The following ABLIM2 variants were observed in gnomAD, a reference collection of about 807,000 sequenced individuals.
The protein encoded by ABLIM2 is actin binding LIM protein family member 2.
In ABLIM2, 53 loss-of-function variants were observed where a neutral mutation model predicts 97.7. The observed-to-expected ratio is 0.54, with a 90% CI of 0.44 to 0.68. The LOEUF (loss-of-function observed/expected upper bound fraction) is 0.68. Ranked by LOEUF, ABLIM2 falls within the 30% of genes least tolerant of loss-of-function variation. The pLI, the probability that ABLIM2 is intolerant of heterozygous loss-of-function variation, is 0.00. For synonymous variants in ABLIM2, 361 were observed against 345.8 expected, an observed-to-expected ratio of 1.04 and a Z score of -0.49; for missense variants, 835 against 867.2, an observed-to-expected ratio of 0.96 and a Z score of 0.47.
intron 10 of ABLIM2, among the ~76,000 whole-genome samples, chr4:8,031,761 G>A (rs995598056): frequency 6.8e-6 from 1 of 146,910 alleles, no homozygotes; most frequent in African/African-American, 2.5e-5. Flanking sequence ...GTCTCGCTCT[G>A]TCACCCAGGC....
rs1757825157 is a variant in ABLIM2, at chr4:8,002,382, G to T, written c.1618+5677C>A. 6.6e-6 allele frequency among the ~76,000 whole-genome samples: 1 copy of T among 152,284 alleles called. No homozygotes were observed. Among genetic ancestry groups the T allele is most frequent in the South Asian group, 2.1e-4 (1 of 4,810 alleles). Reference sequence around the variant, plus strand: ...TGGTTCCTGAGCTGCCACCATGTGGGCCCTGCCAGTGAGATCCTTCCAGGG... The same window carrying T: ...TGGTTCCTGAGCTGCCACCATGTGGTCCCTGCCAGTGAGATCCTTCCAGGG... On this transcript the variant is annotated intron_variant, in intron 16 of 20. Coordinates refer to ENST00000447017, the MANE Select transcript of ABLIM2 (RefSeq NM_001130083.2). This position sits in a 1 kb window ranked among gnomAD's most constrained non-coding sequence, Gnocchi z 6.1.
chr4:8,050,022 A>G (rs572964185), intron 8 of ABLIM2, among the ~76,000 whole-genome samples: 12 of 152,282 alleles, frequency 7.9e-5, no homozygotes, highest in African/African-American at 2.9e-4. Flanking sequence ...GCCACTGCGC[A>G]CGGCCAGTCA....
rs895818227 is a variant in ABLIM2, at chr4:7,999,105, C to T, written c.1619-6178G>A. On this transcript the variant is annotated intron_variant, in intron 16 of 20. Coordinates refer to ENST00000447017, the MANE Select transcript of ABLIM2 (RefSeq NM_001130083.2). This position sits in a 1 kb window ranked among gnomAD's most constrained non-coding sequence, Gnocchi z 4.4. ...TTTGAGACGGAGTTTTGTTCTTGTT[C>T]CCCGGGCTGGAGTACAATGGCGTGA... Among the ~76,000 whole-genome samples, 3 of 152,072 alleles carry T rather than the reference C, an allele frequency of 2.0e-5. No individual in the cohort carries two copies. The highest frequency in any genetic ancestry group is 2.9e-5 in the Non-Finnish European group (2 of 68,012).
At chr4:8,135,714 G>A (rs1850094751) in intron 1 of ABLIM2, among the ~76,000 whole-genome samples, 1 of 152,230 alleles carries the variant, frequency 6.6e-6, no homozygotes, top group African/African-American at 2.4e-5. Flanking sequence ...GATGAAGACA[G>A]ATGCTCTCAA....
chr4:8,018,283 C>T (rs571305715), intron 14 of ABLIM2, among the ~76,000 whole-genome samples: 2 of 152,340 alleles, frequency 1.3e-5, no homozygotes, highest in East Asian at 3.9e-4. Context: ...CCCACCAGCA[C>T]AGAATACACA....
At chr4:8,109,434 C>T (rs558410843) in intron 1 of ABLIM2, among the ~76,000 whole-genome samples, 1 of 152,352 alleles carries the variant, frequency 6.6e-6, no homozygotes, top group Admixed American at 6.5e-5. Flanking sequence ...GAGCTCTGAG[C>T]CTGGAAGGTC....
At chr4:8,051,985 C>T (rs1796342853) in intron 8 of ABLIM2, among the ~76,000 whole-genome samples, 1 of 152,254 alleles carries the variant, frequency 6.6e-6, no homozygotes, top group East Asian at 1.9e-4. Context: ...GGTTCCCTGT[C>T]TTGGCTTTGG....
chr4:8,023,116 G>A lies in ABLIM2; in HGVS notation c.1268-2813C>T, dbSNP rs1775037226. On this transcript the variant is annotated intron_variant, in intron 12 of 20. Coordinates refer to ENST00000447017, the MANE Select transcript of ABLIM2 (RefSeq NM_001130083.2). The surrounding 1 kb of genome is among the most constrained non-coding windows in gnomAD (Gnocchi z 5.7). ...TCCATTTTTAAAAATTTCAGTAAAT[G>A]TTTCATTAGGAACAGCTTCAGGTAG... 1 of 151,674 alleles carries A rather than the reference G, an allele frequency of 6.6e-6. No individual in the cohort carries two copies. Among genetic ancestry groups the A allele is most frequent in the Non-Finnish European group, 1.5e-5 (1 of 68,138 alleles). The allele number at this position is 151,674 out of a possible 1,614,324, so 9.4% of individuals were successfully genotyped here. A position where few individuals can be genotyped will look rare whatever the true frequency, so the allele number is the denominator to read the frequency against.
rs1338759231 is a variant in ABLIM2 at position 8,068,618 on chromosome 4, T to C, written c.676-7564A>G. On this transcript the variant is annotated intron_variant, in intron 6 of 20. Transcript: ENST00000447017. This position sits in a 1 kb window ranked among gnomAD's most constrained non-coding sequence, Gnocchi z 4.5. ...TGAGGCAGGAGGCCCCTTTCCTCCC[T>C]GAATCCAACCACGGAATCCGGGTGC... Among the ~76,000 whole-genome samples the C allele has an allele frequency of 4.6e-5, 7 of 152,216 alleles. No homozygotes were observed. Among genetic ancestry groups the C allele is most frequent in the Admixed American group, 4.6e-4 (7 of 15,288 alleles).
chr4:7,993,096 G>A (rs1164366984), intron 16 of ABLIM2, among the ~76,000 whole-genome samples, 169 bp from the exon 17 acceptor site: 2 of 152,180 alleles, frequency 1.3e-5, no homozygotes, highest in African/African-American at 2.4e-5. Flanking sequence ...TTCCCAGGGC[G>A]CTGACCGAGG....
chr4:8,026,646 T>C (rs113277528), intron 12 of ABLIM2, among the ~76,000 whole-genome samples: 8 of 152,242 alleles, frequency 5.3e-5, no homozygotes, highest in African/African-American at 1.9e-4. Flanking sequence ...CCTCCTCTAA[T>C]GTTCTGAGTG....
In ABLIM2 at chr4:8,147,050, A is replaced by G. The variant is rs1851917394; in HGVS notation, c.10+11630T>C. Among the ~76,000 whole-genome samples the G allele has an allele frequency of 6.6e-6, 1 of 152,118 alleles. No homozygotes were observed. On this transcript the variant is annotated intron_variant, in intron 1 of 20. Coordinates refer to ENST00000447017, the MANE Select transcript of ABLIM2 (RefSeq NM_001130083.2). The surrounding 1 kb of genome is among the most constrained non-coding windows in gnomAD (Gnocchi z 5.3). ...TAACCCCTGCAATCAACGGCTTTTT[A>G]TTTCTGAAATTCATGTCTGTGTTTC...
chr4:8,059,038 T>C (rs1314558501), intron 7 of ABLIM2, among the ~76,000 whole-genome samples: 1 of 152,070 alleles, frequency 6.6e-6, no homozygotes, highest in Non-Finnish European at 1.5e-5. Context: ...CTCTCATCCA[T>C]TGCGATGGTC....
chr4:8,071,693 A>AACCAC lies in ABLIM2; in HGVS notation c.675+5934_675+5935insGTGGT. 1 of 819,830 alleles carries AACCAC rather than the reference A, an allele frequency of 1.2e-6. No homozygotes were observed. The highest frequency in any genetic ancestry group is 1.5e-6 in the Non-Finnish European group (1 of 679,292). 50.8% of individuals were successfully genotyped at this position (819,830 alleles called of 1,614,324 possible). A position where few individuals can be genotyped will look rare whatever the true frequency, so the allele number is the denominator to read the frequency against. On this transcript the variant is annotated intron_variant, in intron 6 of 20. Coordinates refer to ENST00000447017, the MANE Select transcript of ABLIM2 (RefSeq NM_001130083.2). This position sits in a 1 kb window ranked among gnomAD's most constrained non-coding sequence, Gnocchi z 6.2. Reference sequence around the variant, plus strand: ...ACACCTGACTGCTCTGTCCCCAAAAACCCACCCACCCGCAGCCCCTCCTGG... The same window carrying AACCAC: ...ACACCTGACTGCTCTGTCCCCAAAAAACCACCCCACCCACCCGCAGCCCCTCCTGG...
rs375623912 is a variant in ABLIM2 at position 8,008,161 on chromosome 4, T to C, written c.1516A>G (p.Thr506Ala). The C allele has an allele frequency of 4.3e-5, 70 of 1,613,924 alleles. No individual in the cohort carries two copies. The highest frequency in any genetic ancestry group is 6.7e-5 in the Admixed American group (4 of 60,006). The change falls in exon 16 of 21, where the codon ACA becomes GCA. Residue 506 changes from threonine (T) to alanine (A), a missense_variant. Thr to Ala is a moderately conservative substitution (Grantham distance 58, BLOSUM62 0). Transcript: ENST00000447017. ...TCCAGGTCTGGAGAATTGGTCCTTG[T>C]GTCTGCATCCCCCTTGAGCATCAGC... ...SWLMLKGDAD[T>A]RTNSPDLDTQ...
chr4:8,033,468 G>T lies in ABLIM2; in HGVS notation c.1047+2681C>A, dbSNP rs1372053908. Reference sequence around the variant, plus strand: ...GAATCAAGGGAGAAACCCTCAGGCTGCTCCCGGCCATCGGCATAGAGGAAG... The same window carrying T: ...GAATCAAGGGAGAAACCCTCAGGCTTCTCCCGGCCATCGGCATAGAGGAAG... On this transcript the variant is annotated intron_variant, in intron 10 of 20. Transcript: ENST00000447017. This position sits in a 1 kb window ranked among gnomAD's most constrained non-coding sequence, Gnocchi z 4.5. Among the ~76,000 whole-genome samples, 1 of 152,216 alleles carries T rather than the reference G, an allele frequency of 6.6e-6. No individual in the cohort carries two copies. Among genetic ancestry groups the T allele is most frequent in the Admixed American group, 6.5e-5 (1 of 15,282 alleles).
At chr4:8,048,847 A>G (rs564121855) in intron 8 of ABLIM2, among the ~76,000 whole-genome samples, 40 of 152,204 alleles carry the variant, frequency 2.6e-4, no homozygotes, top group Admixed American at 9.2e-4. Flanking sequence ...CCCTGGCCAG[A>G]GCAGGGACCC....
Position 8,085,262 on chromosome 4 carries a change from C to T in ABLIM2, c.454+2907G>A, listed in dbSNP as rs1054399950. ...TGTGAGGCCCCACCCTGCTGCCCCC[C>T]GGCCCAGCAAGCTGGCCAGGCAGAC... On this transcript the variant is annotated intron_variant, in intron 4 of 20. Coordinates refer to ENST00000447017, the MANE Select transcript of ABLIM2 (RefSeq NM_001130083.2). The surrounding 1 kb of genome is among the most constrained non-coding windows in gnomAD (Gnocchi z 6.1). Among the ~76,000 whole-genome samples, 4 of 152,134 alleles carry T rather than the reference C, an allele frequency of 2.6e-5. No homozygotes were observed. Among genetic ancestry groups the T allele is most frequent in the Admixed American group, 6.5e-5 (1 of 15,278 alleles).
chr4:8,152,292 A>T (rs1359542242), intron 1 of ABLIM2, among the ~76,000 whole-genome samples: 2 of 152,218 alleles, frequency 1.3e-5, no homozygotes, highest in Non-Finnish European at 2.9e-5. Context: ...TGAGTCGGGC[A>T]CACTGGGGTT....
Sources: gnomAD v4.1 joint callset for allele counts (sites outside exome capture counted in the v4.1 genomes callset) on GRCh38, gnomAD v4.1.1 for gene constraint, Gnocchi (gnomAD v3.1) non-coding constraint, MANE v1.5 for transcripts, NCBI Gene and HGNC (gene_info 2026-07-23, HGNC 2026-07-21) for gene names.